The following CPNE4 variants were observed in gnomAD, a reference collection of about 807,000 sequenced individuals.
CPNE4 encodes the protein copine 4, also known as copine-4.
CPNE4 carries 25 observed loss-of-function variants against 67.9 expected under a neutral mutation model. The observed-to-expected ratio is 0.37, with a 90% confidence interval of 0.27 to 0.51. The LOEUF is 0.51. Among genes scored for constraint, CPNE4 ranks in the 20% least tolerant of loss-of-function variants. The pLI is 0.93. For synonymous variants in CPNE4, 242 were observed against 244.9 expected, an observed-to-expected ratio of 0.99 and a Z score of 0.11; for missense variants, 464 against 690.8, an observed-to-expected ratio of 0.67 and a Z score of 3.68.
chr3:131,605,933 A>C (rs1032303913), intron 7 of CPNE4, among the ~76,000 whole-genome samples: 1 of 152,152 alleles, frequency 6.6e-6, no homozygotes, highest in African/African-American at 2.4e-5. Flanking sequence ...ACATTCTTTG[A>C]CTTCTAATAA....
intron 3 of CPNE4, among the ~76,000 whole-genome samples, chr3:131,703,843 A>G (rs903605847): frequency 1.3e-5 from 2 of 152,220 alleles, no homozygotes; most frequent in Admixed American, 6.5e-5. Flanking sequence ...ACATCTTACA[A>G]TGTAGTGAAA....
chr3:131,993,885 T>C (rs111345689), intron 1 of CPNE4, among the ~76,000 whole-genome samples: 3 of 135,874 alleles, frequency 2.2e-5, no homozygotes, highest in African/African-American at 7.4e-5. Context: ...AACAATGCTG[T>C]CTCTGTCCTC....
intron 10 of CPNE4, among the ~76,000 whole-genome samples, chr3:131,569,644 CAAAAAAAACA>C (rs1314687637): frequency 0.024 from 2,070 of 85,760 alleles, 29 homozygotes; most frequent in African/African-American, 0.056. Context: ...TTTCAAAAAA[CAAAAAAAACA>C]AAAAAAAACA....
intron 2 of CPNE4, among the ~76,000 whole-genome samples, chr3:131,794,683 T>G (rs1051149068): frequency 6.6e-6 from 1 of 152,214 alleles, no homozygotes; most frequent in Admixed American, 6.5e-5. Flanking sequence ...TTAATAGGAC[T>G]TGCATTGATA....
intron 1 of CPNE4, among the ~76,000 whole-genome samples, chr3:131,997,386 A>T (rs1316594102): frequency 2.0e-5 from 3 of 151,872 alleles, no homozygotes; most frequent in Non-Finnish European, 4.4e-5. Context: ...CAAAAAGGGG[A>T]CTCCTGAGAA....
At chr3:131,563,991 G>C (rs567198943) in intron 11 of CPNE4, among the ~76,000 whole-genome samples, 1 of 152,016 alleles carries the variant, frequency 6.6e-6, no homozygotes, top group Non-Finnish European at 1.5e-5. Context: ...CTATCCAATC[G>C]TCTTGCAAGT....
chr3:131,914,166 G>A (rs2089090573), intron 1 of CPNE4, among the ~76,000 whole-genome samples: 1 of 152,108 alleles, frequency 6.6e-6, no homozygotes, highest in Non-Finnish European at 1.5e-5. Context: ...ATCCTAGAAA[G>A]GTACAACAAC....
At chr3:132,008,209 T>C (rs1378418302) in intron 1 of CPNE4, among the ~76,000 whole-genome samples, 1 of 152,136 alleles carries the variant, frequency 6.6e-6, no homozygotes, top group Non-Finnish European at 1.5e-5. Flanking sequence ...ATGAAAAAAA[T>C]ACCCACACCC....
At chr3:131,979,096 T>C (rs550894827) in intron 1 of CPNE4, among the ~76,000 whole-genome samples, 70 of 152,282 alleles carry the variant, frequency 4.6e-4, no homozygotes, top group Middle Eastern at 3.4e-3. Flanking sequence ...TTGAGGTTTA[T>C]TTTATGGCCT....
chr3:131,935,695 A>G (rs2071200823), intron 1 of CPNE4, among the ~76,000 whole-genome samples: 1 of 152,084 alleles, frequency 6.6e-6, no homozygotes, highest in Non-Finnish European at 1.5e-5. Context: ...TGCCTTGGTA[A>G]TGTGGCTTTG....
intron 2 of CPNE4, among the ~76,000 whole-genome samples, chr3:131,865,099 T>C (rs528318463): frequency 5.3e-5 from 8 of 152,280 alleles, no homozygotes; most frequent in African/African-American, 1.9e-4. Flanking sequence ...CTGCTGGATT[T>C]GGTTTGCCAG....
chr3:131,801,494 A>G (rs1246804194), intron 2 of CPNE4, among the ~76,000 whole-genome samples: 5 of 132,842 alleles, frequency 3.8e-5, no homozygotes, highest in African/African-American at 5.6e-5. Flanking sequence ...ACTGCTGAAG[A>G]GTTGAATCTA....
At chr3:131,665,401 A>C (rs2080232256) in intron 7 of CPNE4, among the ~76,000 whole-genome samples, 1 of 152,108 alleles carries the variant, frequency 6.6e-6, no homozygotes, top group Non-Finnish European at 1.5e-5. Flanking sequence ...CTGGGCACCT[A>C]TAATCCCAGC....
chr3:131,909,278 T>G (rs1427327853), intron 1 of CPNE4, among the ~76,000 whole-genome samples: 1 of 152,170 alleles, frequency 6.6e-6, no homozygotes, highest in Non-Finnish European at 1.5e-5. Flanking sequence ...ATAGACAATT[T>G]ATTCTTCAAT....
At position 131,841,409 on chromosome 3, in the gene CPNE4, C is replaced by T. The variant is rs2085776075; in HGVS notation, c.180+63855G>A. 2.0e-5 allele frequency among the ~76,000 whole-genome samples: 3 copies of T among 152,188 alleles called. No individual in the cohort carries two copies. In the South Asian group the frequency reaches 6.2e-4, roughly 32 times the overall value. Reference sequence around the variant, plus strand: ...ACCATGGACCAGTACCAGTCTGTGGCCTGTTAGGAACCAGGCTGCAGAGCA... The same window carrying T: ...ACCATGGACCAGTACCAGTCTGTGGTCTGTTAGGAACCAGGCTGCAGAGCA... On this transcript the variant is annotated intron_variant, in intron 2 of 15. Transcript: ENST00000429747.
chr3:131,786,225 C>T (rs1397440348), intron 2 of CPNE4, among the ~76,000 whole-genome samples: 1 of 151,786 alleles, frequency 6.6e-6, no homozygotes, highest in Non-Finnish European at 1.5e-5. Context: ...CTTGCCTTAC[C>T]TTCAAACTCA....
chr3:131,937,232 G>A (rs945854265), intron 1 of CPNE4, among the ~76,000 whole-genome samples: 1 of 152,120 alleles, frequency 6.6e-6, no homozygotes, highest in African/African-American at 2.4e-5. Context: ...AGTCAATACT[G>A]AGACATGTCT....
chr3:131,807,132 T>C (rs1322294285), intron 2 of CPNE4, among the ~76,000 whole-genome samples: 4 of 151,714 alleles, frequency 2.6e-5, no homozygotes, highest in Non-Finnish European at 4.4e-5. Flanking sequence ...GCGGGGGTGG[T>C]GATGAAGGGA....
At chr3:131,655,663 G>A (rs908061734) in intron 7 of CPNE4, among the ~76,000 whole-genome samples, 1 of 152,016 alleles carries the variant, frequency 6.6e-6, no homozygotes, top group Non-Finnish European at 1.5e-5. Flanking sequence ...GGGGCAGGGG[G>A]GTGGAGACAA....
Sources: gnomAD v4.1 joint callset for allele counts (sites outside exome capture counted in the v4.1 genomes callset) on GRCh38, gnomAD v4.1.1 for gene constraint, MANE v1.5 for transcripts, NCBI Gene and HGNC (gene_info 2026-07-23, HGNC 2026-07-21) for gene names.